The following FSHR variants were observed in gnomAD, a reference collection of about 807,000 sequenced individuals.
FSHR encodes follicle-stimulating hormone receptor.
A neutral mutation model predicts 52.1 loss-of-function variants in FSHR; 46 were observed. The ratio of observed to expected loss-of-function variants is 0.88; its 90% CI spans 0.70 to 1.13. The LOEUF (loss-of-function observed/expected upper bound fraction) is 1.13. Ranked by LOEUF, FSHR falls within the 50% of genes most tolerant of loss-of-function variation. The pLI is 0.00. For synonymous variants in FSHR, 399 were observed against 309.6 expected, an observed-to-expected ratio of 1.29 and a Z score of -3.03; for missense variants, 964 against 834.6, an observed-to-expected ratio of 1.16 and a Z score of -1.91.
At chr2:49,119,305 T>C (rs1056425214) in intron 1 of FSHR, among the ~76,000 whole-genome samples, 19 of 152,198 alleles carry the variant, frequency 1.2e-4, no homozygotes, top group African/African-American at 4.6e-4. Flanking sequence ...TTCGGTTACA[T>C]ATATTGGTAA....
chr2:49,138,024 C>T (rs535763086), intron 1 of FSHR, among the ~76,000 whole-genome samples: 2 of 151,772 alleles, frequency 1.3e-5, no homozygotes, highest in African/African-American at 4.8e-5. Context: ...CATAATGGGA[C>T]AAAAATATTT....
At position 49,029,562 on chromosome 2, in the gene FSHR, G is replaced by T. The variant is rs568749928; in HGVS notation, c.225-9402C>A. On this transcript the variant is annotated intron_variant, in intron 2 of 9. Transcript: ENST00000406846. The stretch of plus-strand genomic sequence containing the variant: ...TGAGATCCATTTTCCTCTGTAAGAT[G>T]TGTGAAGGTCCTCTGTCCCTCAGTA... Among the ~76,000 whole-genome samples, 4 of 152,300 alleles carry T rather than the reference G, an allele frequency of 2.6e-5. No homozygotes were observed. The South Asian group carries it at 8.3e-4, about 32-fold the overall frequency.
At chr2:48,964,068 A>T (rs1447595883) in intron 9 of FSHR, 102 bp from the exon 10 acceptor site, 5 of 998,540 alleles carry the variant, frequency 5.0e-6, no homozygotes, top group East Asian at 3.2e-5. Context: ...TCTTCCTGAG[A>T]TTTTTTTTTT....
At chr2:49,119,682 C>T (rs529224965) in intron 1 of FSHR, among the ~76,000 whole-genome samples, 1 of 152,192 alleles carries the variant, frequency 6.6e-6, no homozygotes, top group South Asian at 2.1e-4. Context: ...CATATATCAC[C>T]CTTGGACACG....
intron 4 of FSHR, among the ~76,000 whole-genome samples, chr2:49,007,816 A>G (rs545512115): frequency 3.3e-5 from 5 of 152,080 alleles, no homozygotes; most frequent in Non-Finnish European, 1.5e-5. Flanking sequence ...GAAGCTTTAC[A>G]ATCAGTATCT....
chr2:48,972,217 T>C (rs1674773779), intron 8 of FSHR, among the ~76,000 whole-genome samples: 1 of 152,226 alleles, frequency 6.6e-6, no homozygotes, highest in Non-Finnish European at 1.5e-5. Context: ...TCTCTTTCTC[T>C]CATACCCTAT....
At chr2:49,046,677 GACT>G (rs1446553086) in intron 2 of FSHR, among the ~76,000 whole-genome samples, 4 of 152,276 alleles carry the variant, frequency 2.6e-5, no homozygotes, top group Middle Eastern at 3.4e-3. Context: ...ATCTATCAGT[GACT>G]ACCAGGTAAG....
chr2:49,033,696 C>G lies in FSHR; in HGVS notation c.225-13536G>C, dbSNP rs113144216. ...GGCCCCTTTGAGAGCCCTCCTCCCC[C>G]CTGTTCCCTATACTAGTCTCTGCTG... On this transcript the variant is annotated intron_variant, in intron 2 of 9. Transcript: ENST00000406846. Among the ~76,000 whole-genome samples, 718 of 152,220 alleles carry G rather than the reference C, an allele frequency of 4.7e-3. 6 individuals carry two copies. Among genetic ancestry groups the G allele is most frequent in the African/African-American group, 0.016 (666 of 41,524 alleles).
intron 4 of FSHR, among the ~76,000 whole-genome samples, chr2:49,014,280 A>G (rs1197515831): frequency 1.3e-5 from 2 of 152,136 alleles, no homozygotes; most frequent in Non-Finnish European, 2.9e-5. Context: ...AAATGCCCTG[A>G]GAACAATAAT....
chr2:48,966,238 GA>G (rs1674472541), intron 9 of FSHR, among the ~76,000 whole-genome samples: 1 of 152,182 alleles, frequency 6.6e-6, no homozygotes. Flanking sequence ...GTTACTTATG[GA>G]ATTCTTGAGG....
chr2:48,994,783 G>T (rs942000887), intron 4 of FSHR, among the ~76,000 whole-genome samples: 13 of 152,164 alleles, frequency 8.5e-5, no homozygotes, highest in African/African-American at 2.9e-4. Flanking sequence ...TAAAATGTCA[G>T]TGAATTTAAG....
intron 2 of FSHR, among the ~76,000 whole-genome samples, chr2:49,048,328 T>G (rs1036885829): frequency 6.6e-6 from 1 of 151,526 alleles, no homozygotes; most frequent in East Asian, 1.9e-4. Context: ...CTCTGAAAAG[T>G]TGGGAAAGGA....
At chr2:49,092,175 C>T (rs535708174) in intron 1 of FSHR, among the ~76,000 whole-genome samples, 2 of 152,270 alleles carry the variant, frequency 1.3e-5, no homozygotes, top group South Asian at 4.1e-4. Context: ...TAATTGTTCG[C>T]TGCTAAATTA....
At chr2:49,110,970 G>A (rs11884101) in intron 1 of FSHR, among the ~76,000 whole-genome samples, 7,806 of 152,200 alleles carry the variant, frequency 0.051, 671 homozygotes, top group African/African-American at 0.18. Flanking sequence ...TGGTTAATAA[G>A]GTTCTTCAAA....
chr2:49,140,961 C>T (rs1329926715), intron 1 of FSHR, among the ~76,000 whole-genome samples: 2 of 152,140 alleles, frequency 1.3e-5, no homozygotes, highest in Non-Finnish European at 2.9e-5. Context: ...AGAAGATCAG[C>T]TACTCAACCT....
intron 1 of FSHR, among the ~76,000 whole-genome samples, chr2:49,137,181 T>C (rs182254122): frequency 6.6e-6 from 1 of 152,184 alleles, no homozygotes. Flanking sequence ...AAAATCAATA[T>C]ACCAAAATCA....
intron 1 of FSHR, among the ~76,000 whole-genome samples, chr2:49,112,791 T>A (rs1572760270): frequency 6.6e-6 from 1 of 152,168 alleles, no homozygotes; most frequent in South Asian, 2.1e-4. Flanking sequence ...TGAACAATGC[T>A]TTATTAAGTT....
At chr2:49,081,665 A>T (rs552329304) in intron 1 of FSHR, among the ~76,000 whole-genome samples, 142 of 152,204 alleles carry the variant, frequency 9.3e-4, no homozygotes, top group Non-Finnish European at 1.4e-3. Context: ...ACTAAAAAAA[A>T]TTTTTTTGTC....
chr2:49,096,116 G>A (rs946135447), intron 1 of FSHR, among the ~76,000 whole-genome samples: 44 of 152,272 alleles, frequency 2.9e-4, no homozygotes, highest in African/African-American at 1.0e-3. Flanking sequence ...CTACTCATAT[G>A]TATTTATTCA....
Sources: gnomAD v4.1 joint callset for allele counts (sites outside exome capture counted in the v4.1 genomes callset) on GRCh38, gnomAD v4.1.1 for gene constraint, MANE v1.5 for transcripts, NCBI Gene and HGNC (gene_info 2026-07-23, HGNC 2026-07-21) for gene names.